The following GUCY2C variants were observed in gnomAD, a reference collection of about 807,000 sequenced individuals.
The protein encoded by GUCY2C is guanylate cyclase 2C.
GUCY2C carries 118 observed loss-of-function variants against 131.1 expected under a neutral mutation model. The ratio of observed to expected loss-of-function variants is 0.90; its 90% CI spans 0.78 to 1.05. The LOEUF (loss-of-function observed/expected upper bound fraction) is 1.05, where lower values mean the gene tolerates loss of function less well. Ranked by LOEUF, GUCY2C falls within the 50% of genes least tolerant of loss-of-function variation. The pLI, the probability that GUCY2C is intolerant of heterozygous loss-of-function variation, is 0.00. For synonymous variants in GUCY2C, 452 were observed against 457.8 expected (o/e 0.99, Z 0.16); for missense variants, 1,161 against 1,304.4 (o/e 0.89, Z 1.69).
chr12:14,632,134 C>G (rs968591050), intron 19 of GUCY2C, among the ~76,000 whole-genome samples: 4 of 152,192 alleles, frequency 2.6e-5, no homozygotes, highest in South Asian at 2.1e-4. Context: ...TTAGCCCTTT[C>G]TCAGATGAGT....
intron 1 of GUCY2C, among the ~76,000 whole-genome samples, chr12:14,692,979 G>A (rs1948600726): frequency 6.6e-6 from 1 of 151,964 alleles, no homozygotes. Flanking sequence ...TTTTAATTTG[G>A]TGGGGGTAAT....
chr12:14,652,896 G>A (rs1205211464), intron 13 of GUCY2C, 56 bp downstream of exon 13: 6 of 1,167,770 alleles, frequency 5.1e-6, no homozygotes, highest in Non-Finnish European at 7.8e-6. Context: ...GCAATGAGGG[G>A]TCAAAAGGCC....
chr12:14,677,075 CA>C (rs892281189), intron 6 of GUCY2C, 104 bp from the exon 7 acceptor site: 1 of 399,262 alleles, frequency 2.5e-6, no homozygotes, highest in South Asian at 8.0e-5. Flanking sequence ...TAGTTTAAAA[CA>C]TTTTTTTTCA....
intron 22 of GUCY2C, 45 bp from the exon 23 acceptor site, chr12:14,621,261 T>C: frequency 6.6e-7 from 1 of 1,512,020 alleles, no homozygotes; most frequent in East Asian, 2.3e-5. Flanking sequence ...CTTTGAAAAG[T>C]ATAGAAAGTA....
At chr12:14,673,301 G>A (rs797004337) in intron 8 of GUCY2C, among the ~76,000 whole-genome samples, 4 of 152,186 alleles carry the variant, frequency 2.6e-5, no homozygotes, top group African/African-American at 9.6e-5. Flanking sequence ...AGTGTATAGG[G>A]TCACTGCACA....
At chr12:14,678,377 T>G in intron 6 of GUCY2C, among the ~76,000 whole-genome samples, 1 of 152,200 alleles carries the variant, frequency 6.6e-6, no homozygotes. Context: ...TTGGGAATAG[T>G]GACAAAGGAA....
At chr12:14,677,876 A>T (rs1223350128) in intron 6 of GUCY2C, among the ~76,000 whole-genome samples, 1 of 151,960 alleles carries the variant, frequency 6.6e-6, no homozygotes, top group Non-Finnish European at 1.5e-5. Flanking sequence ...CACCACACCC[A>T]GCCTCAAATG....
rs779095472 is a variant in GUCY2C, at chr12:14,622,042, C to G, written c.2564G>C (p.Ser855Thr). The change falls in exon 22 of 27, where the codon AGT becomes ACT. Residue 855 changes from serine to threonine, a missense_variant. By Grantham distance (58) the Ser-to-Thr change is moderately conservative (BLOSUM62 1). Transcript: ENST00000261170. ...ATGATGATCAACAATGTGGTCAAAA[C>G]TCTTATAGATGTCATTAAGCATGTC... The part of the protein sequence containing the change: ...VVDMLNDIYK[S>T]FDHIVDHHDV... 9.3e-6 allele frequency: 15 copies of G among 1,608,778 alleles called. No homozygotes were observed. Among genetic ancestry groups the G allele is most frequent in the African/African-American group, 5.4e-5 (4 of 74,690 alleles).
intron 1 of GUCY2C, among the ~76,000 whole-genome samples, chr12:14,688,447 G>A (rs184230177): frequency 6.6e-6 from 1 of 152,240 alleles, no homozygotes; most frequent in African/African-American, 2.4e-5. Flanking sequence ...AACCCTAGAT[G>A]CAGCAGGTCT....
Position 14,613,040 on chromosome 12 carries a change from G to T in GUCY2C, c.*77C>A. 8.3e-7 allele frequency: 1 copy of T among 1,210,720 alleles called. No homozygotes were observed. The highest frequency in any genetic ancestry group is 1.3e-5 in the South Asian group (1 of 77,284). The allele number at this position is 1,210,720 out of a possible 1,614,324, so 75.0% of individuals were successfully genotyped here. A position where few individuals can be genotyped will look rare whatever the true frequency, so the allele number is the denominator to read the frequency against. Reference sequence around the variant, plus strand: ...TCATTGAGGTCTCAGGAAAATGTAAGCTTTCAGGACACTTGAGGTCGCTGC... The same window carrying T: ...TCATTGAGGTCTCAGGAAAATGTAATCTTTCAGGACACTTGAGGTCGCTGC... On this transcript the variant is annotated 3_prime_UTR_variant, in exon 27 of 27. Transcript: ENST00000261170. The surrounding 1 kb of genome is among the most constrained non-coding windows in gnomAD (Gnocchi z 4.9).
chr12:14,659,874 A>G (rs952134544), intron 11 of GUCY2C, among the ~76,000 whole-genome samples: 2 of 152,230 alleles, frequency 1.3e-5, no homozygotes, highest in African/African-American at 2.4e-5. Context: ...TCTGCCTGCC[A>G]TGTTTAGAGA....
intron 26 of GUCY2C, among the ~76,000 whole-genome samples, chr12:14,614,093 C>T (rs1476140211): frequency 1.3e-5 from 2 of 152,078 alleles, no homozygotes; most frequent in South Asian, 4.1e-4. Flanking sequence ...ATGCAGAGAG[C>T]CTCTTTGCCC....
At chr12:14,625,979 A>G (rs1020840125) in intron 20 of GUCY2C, 64 bp from the exon 21 acceptor site, 1 of 929,440 alleles carries the variant, frequency 1.1e-6, no homozygotes, top group African/African-American at 1.7e-5. Context: ...ATCCAATAAA[A>G]CAATGGACAA....
intron 10 of GUCY2C, among the ~76,000 whole-genome samples, chr12:14,666,332 C>T (rs766997889): frequency 6.6e-6 from 1 of 152,214 alleles, no homozygotes; most frequent in Non-Finnish European, 1.5e-5. Context: ...AGTACAGCTG[C>T]GGGCATTCAT....
intron 24 of GUCY2C, 29 bp downstream of exon 24, chr12:14,619,182 C>T (rs1428758165): frequency 1.5e-6 from 2 of 1,319,552 alleles, no homozygotes; most frequent in Non-Finnish European, 1.1e-6. Context: ...GCATCTTTGT[C>T]CTCTGAGAAA....
intron 17 of GUCY2C, among the ~76,000 whole-genome samples, chr12:14,643,012 C>G (rs910183105): frequency 2.6e-5 from 4 of 152,152 alleles, no homozygotes; most frequent in African/African-American, 9.7e-5. Flanking sequence ...ATGTTCAACA[C>G]GAAAAGCCCT....
chr12:14,644,137 A>G (rs1947463665), intron 16 of GUCY2C, among the ~76,000 whole-genome samples: 1 of 152,190 alleles, frequency 6.6e-6, no homozygotes, highest in Admixed American at 6.5e-5. Context: ...TATTTCCTAA[A>G]GTGGAAGTGG....
At chr12:14,619,092 A>C in intron 24 of GUCY2C, 119 bp downstream of exon 24, 1 of 597,988 alleles carries the variant, frequency 1.7e-6, no homozygotes, top group Non-Finnish European at 3.0e-6. Flanking sequence ...GCTAATGTGA[A>C]GAATTATTCT....
intron 2 of GUCY2C, 25 bp downstream of exon 2, chr12:14,687,926 T>C: frequency 8.1e-7 from 1 of 1,239,708 alleles, no homozygotes; most frequent in Non-Finnish European, 1.2e-6. Flanking sequence ...GGCCATGAGC[T>C]GCATCCACAA....
Sources: allele counts gnomAD v4.1 joint callset (sites outside exome capture counted in the v4.1 genomes callset), GRCh38; gene constraint gnomAD v4.1.1; non-coding constraint Gnocchi (gnomAD v3.1); transcripts MANE v1.5; gene names NCBI Gene and HGNC (gene_info 2026-07-23, HGNC 2026-07-21).